The following TANK variants were observed in gnomAD, a reference collection of about 807,000 sequenced individuals.
The protein encoded by TANK is TRAF family member associated NFKB activator, also known as TRAF family member-associated NF-kappa-B activator.
A neutral mutation model predicts 43.6 loss-of-function variants in TANK; 15 were observed. The ratio of observed to expected loss-of-function variants is 0.34; its 90% CI spans 0.23 to 0.53. TANK has a LOEUF of 0.53. TANK is among the 20% of genes least tolerant of loss of function. The pLI, the probability that TANK is intolerant of heterozygous loss-of-function variation, is 0.94. For missense variants in TANK, 417 were observed against 498.6 expected, an observed-to-expected ratio of 0.84 and a Z score of 1.56; for synonymous variants, 162 against 178.2, an observed-to-expected ratio of 0.91 and a Z score of 0.73.
At chr2:161,221,905 A>T (rs142363815) in intron 4 of TANK, among the ~76,000 whole-genome samples, 104 of 152,278 alleles carry the variant, frequency 6.8e-4, no homozygotes, top group Non-Finnish European at 1.1e-3. Context: ...ACCTTAGTTT[A>T]GATACGTCAT....
At chr2:161,170,407 A>T (rs748607600) in intron 1 of TANK, among the ~76,000 whole-genome samples, 2 of 152,180 alleles carry the variant, frequency 1.3e-5, no homozygotes, top group Non-Finnish European at 2.9e-5. Flanking sequence ...TATTTGAGAA[A>T]GTCTTCTACC....
In TANK at chr2:161,202,425, G is replaced by A. The variant is rs182043096; in HGVS notation, c.100-1062G>A. On this transcript the variant is annotated intron_variant, in intron 2 of 7. Coordinates refer to ENST00000392749, the MANE Select transcript of TANK (RefSeq NM_001199135.3). ...AGGATGGTCTCAATCTCCTGACCTCGTGATCCACCTACCTCAGCCTCCCAA... is the reference window on the plus strand; with the variant it reads ...AGGATGGTCTCAATCTCCTGACCTCATGATCCACCTACCTCAGCCTCCCAA... 5.2e-3 allele frequency among the ~76,000 whole-genome samples: 785 copies of A among 151,786 alleles called. 7 individuals are homozygous for A. The highest frequency in any genetic ancestry group is 0.017 in the African/African-American group (721 of 41,434).
intron 7 of TANK, among the ~76,000 whole-genome samples, chr2:161,232,187 TC>T (rs1687943234): frequency 6.6e-6 from 1 of 152,076 alleles, no homozygotes; most frequent in Admixed American, 6.5e-5. Context: ...CAGACTAATA[TC>T]CCCCAAACCA....
chr2:161,205,042 G>C (rs1324885728), intron 4 of TANK: 3 of 1,104,394 alleles, frequency 2.7e-6, no homozygotes, highest in Non-Finnish European at 3.5e-6. Context: ...CAAAGAAATA[G>C]GGCTGGACAC....
chr2:161,208,103 G>C, intron 4 of TANK: 1 of 957,570 alleles, frequency 1.0e-6, no homozygotes, highest in Non-Finnish European at 1.2e-6. Flanking sequence ...GTTTTCTTTA[G>C]ACAATTTGTT....
chr2:161,151,278 G>T (rs559710526), intron 1 of TANK, among the ~76,000 whole-genome samples: 1 of 152,214 alleles, frequency 6.6e-6, no homozygotes, highest in East Asian at 1.9e-4. Flanking sequence ...CTACATGTCT[G>T]CTAGGTCTAG....
intron 1 of TANK, among the ~76,000 whole-genome samples, chr2:161,154,373 G>C (rs1684166008): frequency 6.6e-6 from 1 of 152,200 alleles, no homozygotes; most frequent in South Asian, 2.1e-4. Context: ...TGGAGAGTTA[G>C]GAAGATGCCT....
intron 1 of TANK, among the ~76,000 whole-genome samples, chr2:161,140,685 C>T (rs1478435058): frequency 6.6e-6 from 1 of 151,962 alleles, no homozygotes; most frequent in Non-Finnish European, 1.5e-5. Context: ...ATATTTAAGG[C>T]TAGGAGTTTT....
intron 2 of TANK, chr2:161,200,712 GT>G (rs1686366688): frequency 8.8e-6 from 2 of 227,158 alleles, no homozygotes; most frequent in South Asian, 3.1e-4. Context: ...TGTTTTTAGT[GT>G]TTCTAGAGAA....
intron 2 of TANK, among the ~76,000 whole-genome samples, chr2:161,185,075 G>T (rs563745759): frequency 6.6e-6 from 1 of 152,240 alleles, no homozygotes; most frequent in South Asian, 2.1e-4. Flanking sequence ...AATTTGAGAC[G>T]CATAGGAAGA....
At chr2:161,144,291 T>C (rs1253066052) in intron 1 of TANK, among the ~76,000 whole-genome samples, 1 of 152,160 alleles carries the variant, frequency 6.6e-6, no homozygotes, top group Non-Finnish European at 1.5e-5. Flanking sequence ...AAGGGTTTTT[T>C]GGTGTCTCTA....
At chr2:161,213,005 A>G (rs1281173499) in intron 4 of TANK, among the ~76,000 whole-genome samples, 1 of 152,234 alleles carries the variant, frequency 6.6e-6, no homozygotes, top group African/African-American at 2.4e-5. Context: ...CAGCATTGCA[A>G]AGATCCCATG....
intron 3 of TANK, among the ~76,000 whole-genome samples, chr2:161,204,242 A>G (rs896023508): frequency 3.3e-5 from 5 of 152,226 alleles, no homozygotes; most frequent in Admixed American, 6.5e-5. Context: ...AATAATTCAC[A>G]GGTGATAAAA....
chr2:161,176,794 C>T (rs997960575), intron 1 of TANK, among the ~76,000 whole-genome samples: 1 of 152,006 alleles, frequency 6.6e-6, no homozygotes. Flanking sequence ...ATTTCCAGTT[C>T]GAGGCTCTTA....
At chr2:161,187,739 A>G (rs1245228578) in intron 2 of TANK, among the ~76,000 whole-genome samples, 2 of 152,212 alleles carry the variant, frequency 1.3e-5, no homozygotes, top group Non-Finnish European at 2.9e-5. Flanking sequence ...TAACAGACAT[A>G]TGTAAAAACC....
chr2:161,206,451 T>C (rs532841881), intron 4 of TANK, among the ~76,000 whole-genome samples: 1 of 152,290 alleles, frequency 6.6e-6, no homozygotes, highest in African/African-American at 2.4e-5. Context: ...ATTCAGTTAC[T>C]GATTGCATAA....
intron 6 of TANK, among the ~76,000 whole-genome samples, chr2:161,226,119 C>G (rs1009412338): frequency 7.9e-5 from 12 of 152,076 alleles, no homozygotes; most frequent in Non-Finnish European, 1.8e-4. Context: ...ACATCAACAT[C>G]TTTTCAAGGC....
At chr2:161,146,483 C>A (rs549261918) in intron 1 of TANK, among the ~76,000 whole-genome samples, 3 of 152,068 alleles carry the variant, frequency 2.0e-5, no homozygotes, top group Non-Finnish European at 2.9e-5. Flanking sequence ...GGTTGCTGAC[C>A]CTTGGATGGG....
intron 2 of TANK, among the ~76,000 whole-genome samples, chr2:161,184,685 T>C (rs1052365014): frequency 1.3e-5 from 2 of 152,146 alleles, no homozygotes; most frequent in Admixed American, 6.6e-5. Flanking sequence ...TCAGATGGTG[T>C]CCTGGTATCT....
Sources: gnomAD v4.1 joint callset for allele counts (sites outside exome capture counted in the v4.1 genomes callset) on GRCh38, gnomAD v4.1.1 for gene constraint, MANE v1.5 for transcripts, NCBI Gene and HGNC (gene_info 2026-07-23, HGNC 2026-07-21) for gene names.